The following NRXN3 variants were observed in gnomAD, a reference collection of about 807,000 sequenced individuals.
The protein encoded by NRXN3 is neurexin 3.
Under a neutral mutation model 137.6 loss-of-function variants are expected in NRXN3, and 32 were observed. That is an observed-to-expected ratio of 0.23 (90% CI 0.18 to 0.31). The LOEUF (loss-of-function observed/expected upper bound fraction) is 0.31. NRXN3 is among the 10% of genes least tolerant of loss of function. NRXN3 has a pLI of 1.00. For missense variants in NRXN3, 1,574 were observed against 2,062.5 expected, an observed-to-expected ratio of 0.76 and a Z score of 4.59; for synonymous variants, 798 against 784.5, an observed-to-expected ratio of 1.02 and a Z score of -0.29.
chr14:78,647,756 A>C (rs1420710707), intron 5 of NRXN3, among the ~76,000 whole-genome samples: 1 of 152,224 alleles, frequency 6.6e-6, no homozygotes, highest in Non-Finnish European at 1.5e-5. Flanking sequence ...TTGATTTTGC[A>C]AATGCAATTA....
At chr14:78,787,177 T>G (rs537302081) in intron 8 of NRXN3, among the ~76,000 whole-genome samples, 63 of 152,284 alleles carry the variant, frequency 4.1e-4, no homozygotes, top group African/African-American at 1.5e-3. Context: ...GTAAGTTGTA[T>G]GTATAGAATT....
At chr14:79,227,345 G>T (rs1438968315) in intron 15 of NRXN3, among the ~76,000 whole-genome samples, 1 of 151,598 alleles carries the variant, frequency 6.6e-6, no homozygotes, top group Non-Finnish European at 1.5e-5. Flanking sequence ...TCCCTACATG[G>T]ATTGTTTTCT....
intron 16 of NRXN3, among the ~76,000 whole-genome samples, chr14:79,479,929 T>A (rs115622919): frequency 0.024 from 3,627 of 152,208 alleles, 154 homozygotes; most frequent in African/African-American, 0.083. Context: ...AAAGAAAAGA[T>A]TATTGGATAA....
chr14:79,195,989 A>C (rs1290862506), intron 15 of NRXN3, among the ~76,000 whole-genome samples: 3 of 152,206 alleles, frequency 2.0e-5, no homozygotes, highest in Non-Finnish European at 4.4e-5. Context: ...ACTAGCTGGG[A>C]CTTCTTATTC....
At chr14:79,044,521 G>C (rs1375209033) in intron 15 of NRXN3, among the ~76,000 whole-genome samples, 1 of 152,172 alleles carries the variant, frequency 6.6e-6, no homozygotes, top group African/African-American at 2.4e-5. Context: ...AGTAGTGAAA[G>C]CTCATAGCAC....
chr14:79,385,619 C>T (rs1455239238), intron 15 of NRXN3, among the ~76,000 whole-genome samples: 1 of 152,082 alleles, frequency 6.6e-6, no homozygotes, highest in East Asian at 1.9e-4. Context: ...GCTGAGCACT[C>T]AGACTTGGGC....
At chr14:78,637,085 G>A (rs149325456) in intron 4 of NRXN3, among the ~76,000 whole-genome samples, 8 of 152,138 alleles carry the variant, frequency 5.3e-5, no homozygotes, top group African/African-American at 1.9e-4. Context: ...TACAATACAA[G>A]TATAATTGTG....
intron 4 of NRXN3, among the ~76,000 whole-genome samples, chr14:78,586,774 CTA>C (rs2097067579): frequency 6.6e-6 from 1 of 152,194 alleles, no homozygotes; most frequent in African/African-American, 2.4e-5. Flanking sequence ...TTTTTACTTC[CTA>C]TCTTTGACAA....
intron 4 of NRXN3, among the ~76,000 whole-genome samples, chr14:78,406,174 A>C (rs968111232): frequency 6.6e-6 from 1 of 152,236 alleles, no homozygotes; most frequent in Non-Finnish European, 1.5e-5. Flanking sequence ...GCTTTGAAGC[A>C]TGAGCAGATG....
chr14:78,401,523 A>C (rs2092058340), intron 4 of NRXN3, among the ~76,000 whole-genome samples: 1 of 152,160 alleles, frequency 6.6e-6, no homozygotes, highest in Non-Finnish European at 1.5e-5. Context: ...TGGAAGGTGG[A>C]AAAGCAAAAA....
chr14:78,908,007 T>A (rs1597249910), intron 10 of NRXN3, among the ~76,000 whole-genome samples: 1 of 152,124 alleles, frequency 6.6e-6, no homozygotes, highest in Non-Finnish European at 1.5e-5. Context: ...TATTCCATGG[T>A]GTATATGTAC....
intron 19 of NRXN3, among the ~76,000 whole-genome samples, chr14:79,701,321 A>G (rs1355173587): frequency 6.6e-6 from 1 of 152,100 alleles, no homozygotes; most frequent in Non-Finnish European, 1.5e-5. Flanking sequence ...CAATTATGTC[A>G]TTAGATTTCA....
At chr14:79,657,449 A>G (rs965325434) in intron 16 of NRXN3, among the ~76,000 whole-genome samples, 3 of 152,280 alleles carry the variant, frequency 2.0e-5, no homozygotes, top group Non-Finnish European at 4.4e-5. Context: ...TGGTCTTGTC[A>G]GTTTGGGTGA....
chr14:79,090,794 C>T (rs1254133441), intron 15 of NRXN3, among the ~76,000 whole-genome samples: 3 of 152,126 alleles, frequency 2.0e-5, no homozygotes, highest in Non-Finnish European at 2.9e-5. Context: ...TAATTAAGTC[C>T]ATAGCACTGC....
chr14:79,701,045 A>G (rs1238867924), intron 19 of NRXN3, among the ~76,000 whole-genome samples: 2 of 152,050 alleles, frequency 1.3e-5, no homozygotes, highest in Non-Finnish European at 1.5e-5. Flanking sequence ...TTTATTACCT[A>G]CTTTAGAGTC....
At chr14:78,557,923 T>A (rs1566741565) in intron 4 of NRXN3, among the ~76,000 whole-genome samples, 1 of 152,212 alleles carries the variant, frequency 6.6e-6, no homozygotes, top group Admixed American at 6.5e-5. Flanking sequence ...AGCACTGTTC[T>A]AGGAGTCTTA....
intron 19 of NRXN3, among the ~76,000 whole-genome samples, chr14:79,793,726 T>C (rs929004353): frequency 6.6e-6 from 1 of 152,256 alleles, no homozygotes; most frequent in Non-Finnish European, 1.5e-5. Flanking sequence ...TGTTTTTTAT[T>C]TGCTATTGAA....
chr14:79,571,348 C>T (rs1757907368), intron 16 of NRXN3, among the ~76,000 whole-genome samples: 1 of 152,094 alleles, frequency 6.6e-6, no homozygotes, highest in African/African-American at 2.4e-5. Flanking sequence ...CATATCCTCA[C>T]TGAAAGATAG....
chr14:78,734,423 A>G (rs940524434), intron 8 of NRXN3, among the ~76,000 whole-genome samples: 1 of 152,200 alleles, frequency 6.6e-6, no homozygotes, highest in African/African-American at 2.4e-5. Flanking sequence ...GTCATTTTAA[A>G]TGATATTTAC....
Sources: gnomAD v4.1 joint callset for allele counts (sites outside exome capture counted in the v4.1 genomes callset) on GRCh38, gnomAD v4.1.1 for gene constraint, MANE v1.5 for transcripts, NCBI Gene and HGNC (gene_info 2026-07-23, HGNC 2026-07-21) for gene names.